The following GNG2 variants were observed in gnomAD, a reference collection of about 807,000 sequenced individuals.
GNG2 encodes guanine nucleotide-binding protein G(I)/G(S)/G(O) subunit gamma-2.
GNG2 carries 5 observed loss-of-function variants against 5.5 expected under a neutral mutation model. That is an observed-to-expected ratio of 0.91 (90% CI 0.48 to 1.92). The LOEUF is 1.92. Ranked by LOEUF, GNG2 falls within the 30% of genes most tolerant of loss-of-function variation. GNG2 has a pLI of 0.01. For synonymous variants in GNG2, 28 were observed against 32.0 expected, an observed-to-expected ratio of 0.88 and a Z score of 0.42; for missense variants, 55 against 88.4, an observed-to-expected ratio of 0.62 and a Z score of 1.52.
chr14:51,876,135 C>T (rs887929920), intron 1 of GNG2, among the ~76,000 whole-genome samples: 2 of 151,934 alleles, frequency 1.3e-5, no homozygotes, highest in African/African-American at 2.4e-5. Context: ...GAATATGTCT[C>T]GCTCTGTTGC....
chr14:51,951,782 A>G (rs1033043814), intron 3 of GNG2: 1 of 659,434 alleles, frequency 1.5e-6, no homozygotes, highest in Admixed American at 2.4e-5. Context: ...ACTCATTTAC[A>G]TATTGTCTAT....
intron 2 of GNG2, among the ~76,000 whole-genome samples, chr14:51,949,274 C>T (rs576263850): frequency 2.5e-4 from 38 of 150,360 alleles, no homozygotes; most frequent in African/African-American, 9.3e-4. Context: ...TACCTAATTT[C>T]TTCTTTTGTC....
chr14:51,867,986 A>C (rs995195776), intron 1 of GNG2, among the ~76,000 whole-genome samples: 3 of 152,112 alleles, frequency 2.0e-5, no homozygotes, highest in African/African-American at 7.2e-5. Context: ...CACACAATGC[A>C]GTTTGTTTAT....
At chr14:51,931,102 A>G (rs891183652) in intron 2 of GNG2, among the ~76,000 whole-genome samples, 5 of 152,198 alleles carry the variant, frequency 3.3e-5, no homozygotes, top group Non-Finnish European at 7.3e-5. Flanking sequence ...TGTCTCAAAA[A>G]CAAAAACAAA....
chr14:51,830,149 A>G (rs1463676178), intron 2 of GNG2, among the ~76,000 whole-genome samples: 1 of 152,034 alleles, frequency 6.6e-6, no homozygotes, highest in Non-Finnish European at 1.5e-5. Flanking sequence ...CTCACTCCCT[A>G]CTTCTTGAAG....
chr14:51,848,261 T>C (rs577748790), intron 2 of GNG2, among the ~76,000 whole-genome samples: 28 of 152,232 alleles, frequency 1.8e-4, no homozygotes, highest in African/African-American at 6.3e-4. Flanking sequence ...CCCTCCTCAT[T>C]GTTCTAGTTT....
intron 3 of GNG2, among the ~76,000 whole-genome samples, chr14:51,951,628 A>G (rs1288229117): frequency 6.6e-6 from 1 of 152,198 alleles, no homozygotes; most frequent in African/African-American, 2.4e-5. Flanking sequence ...TAAAACTAGA[A>G]TATTTTTCCT....
intron 1 of GNG2, among the ~76,000 whole-genome samples, chr14:51,870,713 AG>A (rs1224834489): frequency 6.6e-6 from 1 of 152,244 alleles, no homozygotes; most frequent in Non-Finnish European, 1.5e-5. Context: ...TCCACTTTCC[AG>A]CTCCGGAGGC....
At chr14:51,939,234 T>C (rs1407660956) in intron 2 of GNG2, among the ~76,000 whole-genome samples, 1 of 152,192 alleles carries the variant, frequency 6.6e-6, no homozygotes, top group Non-Finnish European at 1.5e-5. Context: ...CTTATCCAAG[T>C]CTCAGATAAA....
At chr14:51,954,982 T>C (rs1889198457) in intron 3 of GNG2, among the ~76,000 whole-genome samples, 2 of 152,074 alleles carry the variant, frequency 1.3e-5, no homozygotes, top group African/African-American at 2.4e-5. Context: ...AACCTGCCCA[T>C]GTAGAGGAAT....
At chr14:51,896,723 A>G (rs1283758676) in intron 2 of GNG2, among the ~76,000 whole-genome samples, 1 of 152,236 alleles carries the variant, frequency 6.6e-6, no homozygotes, top group African/African-American at 2.4e-5. Context: ...TATGGCATTT[A>G]TAAAGTGAAA....
At chr14:51,851,712 T>G (rs1034358113) in intron 2 of GNG2, among the ~76,000 whole-genome samples, 1 of 152,210 alleles carries the variant, frequency 6.6e-6, no homozygotes, top group Non-Finnish European at 1.5e-5. Context: ...ATAAATAGAT[T>G]AAGCAAATAT....
intron 3 of GNG2, chr14:51,951,781 C>T (rs545057196): frequency 9.1e-6 from 6 of 658,386 alleles, no homozygotes; most frequent in South Asian, 8.5e-5. Flanking sequence ...CACTCATTTA[C>T]ATATTGTCTA....
At chr14:51,882,434 G>C (rs1691459135) in intron 2 of GNG2, among the ~76,000 whole-genome samples, 1 of 152,070 alleles carries the variant, frequency 6.6e-6, no homozygotes, top group Non-Finnish European at 1.5e-5. Context: ...GTTCTATTCT[G>C]TTCCATTACT....
At chr14:51,914,180 C>A in intron 2 of GNG2, 1 of 701,848 alleles carries the variant, frequency 1.4e-6, no homozygotes, top group South Asian at 1.5e-5. Context: ...TTGAGTATGT[C>A]TGCCACCACT....
chr14:51,916,721 G>A (rs1322543647), intron 2 of GNG2, among the ~76,000 whole-genome samples: 5 of 152,098 alleles, frequency 3.3e-5, no homozygotes, highest in Non-Finnish European at 7.4e-5. Context: ...GTATCCAGGG[G>A]TGCAGTGTGA....
chr14:51,935,100 C>T (rs1332686071), intron 2 of GNG2, among the ~76,000 whole-genome samples: 3 of 148,196 alleles, frequency 2.0e-5, no homozygotes, highest in African/African-American at 7.5e-5. Context: ...TCTCGGCTCA[C>T]TGTAAGCTCT....
At chr14:51,836,325 G>C (rs1029016537) in intron 2 of GNG2, among the ~76,000 whole-genome samples, 4 of 152,084 alleles carry the variant, frequency 2.6e-5, no homozygotes, top group Non-Finnish European at 4.4e-5. Flanking sequence ...AGCTAGGGTA[G>C]TAGTCATGCA....
intron 2 of GNG2, among the ~76,000 whole-genome samples, chr14:51,880,766 A>G (rs188932834): frequency 6.6e-6 from 1 of 152,178 alleles, no homozygotes; most frequent in African/African-American, 2.4e-5. Context: ...ACAGTTGGTC[A>G]CTCCAGATGT....
Sources: gnomAD v4.1 joint callset for allele counts (sites outside exome capture counted in the v4.1 genomes callset) on GRCh38, gnomAD v4.1.1 for gene constraint, MANE v1.5 for transcripts, NCBI Gene and HGNC (gene_info 2026-07-23, HGNC 2026-07-21) for gene names.